APAF1: variants seen among roughly 807,000 people sequenced by gnomAD.
The protein encoded by APAF1 is apoptotic protease-activating factor 1.
Under a neutral mutation model 152.4 loss-of-function variants are expected in APAF1, and 91 were observed. That is an observed-to-expected ratio of 0.60 (90% CI 0.50 to 0.71). The LOEUF (loss-of-function observed/expected upper bound fraction) is 0.71, where lower values mean the gene tolerates loss of function less well. Among genes scored for constraint, APAF1 ranks in the 30% least tolerant of loss-of-function variants. APAF1 has a pLI of 0.00. For synonymous variants in APAF1, 484 were observed against 494.1 expected (o/e 0.98, Z 0.27); for missense variants, 1,283 against 1,472.0 (o/e 0.87, Z 2.10).
intron 14 of APAF1, among the ~76,000 whole-genome samples, chr12:98,680,706 G>T (rs180824203): frequency 6.6e-6 from 1 of 152,182 alleles, no homozygotes. Flanking sequence ...ATGAGCCACT[G>T]TGCGTGGCCT....
intron 21 of APAF1, among the ~76,000 whole-genome samples, chr12:98,714,271 C>T (rs2097731435): frequency 6.6e-6 from 1 of 152,166 alleles, no homozygotes; most frequent in African/African-American, 2.4e-5. Context: ...TCATCCACAT[C>T]GTTAGTTCCC....
intron 16 of APAF1, among the ~76,000 whole-genome samples, chr12:98,691,693 C>G (rs1347174977): frequency 2.0e-5 from 3 of 152,054 alleles, no homozygotes; most frequent in Non-Finnish European, 4.4e-5. Flanking sequence ...TACTATTGGT[C>G]AAACCCCCAA....
chr12:98,674,517 G>T (rs1010518882), intron 12 of APAF1, among the ~76,000 whole-genome samples: 1 of 152,108 alleles, frequency 6.6e-6, no homozygotes, highest in Admixed American at 6.6e-5. Flanking sequence ...GTATTCGAGA[G>T]AACTGTTTGC....
chr12:98,712,492 A>G (rs1204369474), intron 21 of APAF1, 57 bp downstream of exon 21: 1 of 987,624 alleles, frequency 1.0e-6, no homozygotes, highest in East Asian at 2.4e-5. Flanking sequence ...AACTAATTAT[A>G]TGTCTGGCAT....
rs532044412 is a variant in APAF1, at chr12:98,720,764, G to T, written c.3085-2429G>T. Among the ~76,000 whole-genome samples, 152 of 152,268 alleles carry T rather than the reference G, an allele frequency of 1.0e-3. 3 individuals carry two copies. Among genetic ancestry groups the T allele is most frequent in the Middle Eastern group, 3.4e-3 (1 of 294 alleles). On this transcript the variant is annotated intron_variant, in intron 22 of 26. Coordinates refer to ENST00000551964, the MANE Select transcript of APAF1 (RefSeq NM_181861.2). ...GCGGATCACGAGGTCAGGAGATCGA[G>T]ACCATCCTGGCTAACACGGTGAAAC...
intron 26 of APAF1, among the ~76,000 whole-genome samples, chr12:98,732,161 C>T (rs1055987156): frequency 1.3e-5 from 2 of 152,152 alleles, no homozygotes; most frequent in Non-Finnish European, 2.9e-5. Flanking sequence ...CTGCAGCTCT[C>T]AAGCAGGCTG....
At chr12:98,656,956 T>C (rs1021736321) in intron 4 of APAF1, among the ~76,000 whole-genome samples, 1 of 152,226 alleles carries the variant, frequency 6.6e-6, no homozygotes, top group Non-Finnish European at 1.5e-5. Flanking sequence ...ATTATAACCT[T>C]CCTCTTATGC....
chr12:98,691,325 T>G (rs1458613829), intron 16 of APAF1, among the ~76,000 whole-genome samples: 1 of 152,240 alleles, frequency 6.6e-6, no homozygotes, highest in Non-Finnish European at 1.5e-5. Context: ...TTTCTTCTTT[T>G]TTGAATTATT....
intron 4 of APAF1, among the ~76,000 whole-genome samples, chr12:98,651,924 C>A (rs778325329): frequency 6.6e-6 from 1 of 152,154 alleles, no homozygotes; most frequent in African/African-American, 2.4e-5. Context: ...AAGTGATCTT[C>A]CCACCTCAGC....
At chr12:98,672,977 C>G (rs189963088) in intron 12 of APAF1, among the ~76,000 whole-genome samples, 1 of 151,568 alleles carries the variant, frequency 6.6e-6, no homozygotes, top group African/African-American at 2.4e-5. Context: ...AGGCTGGTCT[C>G]GAACTCCAGA....
At chr12:98,727,127 G>C (rs374151657) in intron 25 of APAF1, 46 bp from the exon 26 acceptor site, 211 of 1,588,186 alleles carry the variant, frequency 1.3e-4, no homozygotes, top group Middle Eastern at 5.0e-4. Flanking sequence ...AACCAGAGAA[G>C]CTTCTGGATA....
chr12:98,680,188 AT>A (rs2097690832), intron 13 of APAF1, 88 bp from the exon 14 acceptor site: 1 of 1,378,414 alleles, frequency 7.3e-7, no homozygotes, highest in African/African-American at 1.5e-5. Context: ...CAAAATGACA[AT>A]GATTAAACTC....
intron 20 of APAF1, among the ~76,000 whole-genome samples, chr12:98,709,294 C>G (rs1416871697): frequency 1.3e-5 from 2 of 152,142 alleles, no homozygotes; most frequent in African/African-American, 4.8e-5. Context: ...ATCCAAACAG[C>G]ACTACTCTAG....
intron 2 of APAF1, 54 bp from the exon 3 acceptor site, chr12:98,648,572 T>C: frequency 6.2e-7 from 1 of 1,609,870 alleles, no homozygotes; most frequent in East Asian, 2.2e-5. Flanking sequence ...TCTCCACTAC[T>C]TTATGTTGCA....
rs1041072160 is a variant in APAF1, at chr12:98,715,530, G to A, written c.3062G>A (p.Ser1021Asn). 1 of 1,613,466 alleles carries A rather than the reference G, an allele frequency of 6.2e-7. No homozygotes were observed. The highest frequency in any genetic ancestry group is 8.5e-7 in the Non-Finnish European group (1 of 1,179,762). The change falls in exon 22 of 27, where the codon AGT becomes AAT. Residue 1021 changes from serine to asparagine, a missense_variant. Ser to Asn is a conservative substitution (Grantham distance 46, BLOSUM62 1). Transcript: ENST00000551964. ...FTADEKTLIS[S>N]SDDAEIQVWN... The stretch of plus-strand genomic sequence containing the variant: ...GCCGATGAGAAGACTCTTATTTCAA[G>A]TTCTGATGATGCTGAAATTCAGGTG...
At chr12:98,715,239 T>C (rs1193631758) in intron 21 of APAF1, among the ~76,000 whole-genome samples, 188 bp from the exon 22 acceptor site, 1 of 20,718 alleles carries the variant, frequency 4.8e-5, no homozygotes, top group African/African-American at 1.8e-4. Flanking sequence ...GGTGTGCATA[T>C]ATATATATAT....
At chr12:98,661,196 C>T (rs972483872) in intron 5 of APAF1, among the ~76,000 whole-genome samples, 5 of 151,946 alleles carry the variant, frequency 3.3e-5, no homozygotes, top group African/African-American at 4.8e-5. Context: ...CCACTGCGCT[C>T]GGCCCCTCCT....
Position 98,662,794 on chromosome 12 carries a change from A to G in APAF1, c.943A>G (p.Lys315Glu). ...GCCAGAACAAGCTCATAGTATTATA[A>G]AAGAATGTAAAGGTATGGTTATTTA... The part of the protein sequence containing the change: ...DLPEQAHSII[K>E]ECKGSPLVVS... Residue 315 changes from lysine to glutamate, a missense_variant, in exon 7 of 27, where the codon AAA becomes GAA. Transcript: ENST00000551964. The G allele has an allele frequency of 1.9e-6, 3 of 1,608,768 alleles. No individual in the cohort carries two copies. Among genetic ancestry groups the G allele is most frequent in the Non-Finnish European group, 2.5e-6 (3 of 1,176,838 alleles).
chr12:98,646,420 C>T (rs2097640554), intron 1 of APAF1, among the ~76,000 whole-genome samples: 1 of 152,226 alleles, frequency 6.6e-6, no homozygotes. Context: ...TGCCCTACGT[C>T]CGTCCCTGTT....
Sources: allele counts gnomAD v4.1 joint callset (sites outside exome capture counted in the v4.1 genomes callset), GRCh38; gene constraint gnomAD v4.1.1; transcripts MANE v1.5; gene names NCBI Gene and HGNC (gene_info 2026-07-23, HGNC 2026-07-21).